Variants in BMPR1B observed in about 807,000 individuals in gnomAD.
The protein encoded by BMPR1B is bone morphogenetic protein receptor type 1B, also known as bone morphogenetic protein receptor type-1B.
In BMPR1B, 12 loss-of-function variants were observed where a neutral mutation model predicts 59.1. The ratio of observed to expected loss-of-function variants is 0.20; its 90% CI spans 0.13 to 0.33. The LOEUF is 0.33. Among genes scored for constraint, BMPR1B ranks in the 10% least tolerant of loss-of-function variants. The pLI, the probability that BMPR1B is intolerant of heterozygous loss-of-function variation, is 1.00. For synonymous variants in BMPR1B, 237 were observed against 207.3 expected (o/e 1.14, Z -1.23); for missense variants, 550 against 610.9 (o/e 0.90, Z 1.05).
chr4:95,027,924 A>C (rs1423585404), intron 3 of BMPR1B, among the ~76,000 whole-genome samples: 1 of 152,162 alleles, frequency 6.6e-6, no homozygotes, highest in Admixed American at 6.6e-5. Flanking sequence ...AGAGTCACCA[A>C]AGTAAAGGAA....
At position 94,961,020 on chromosome 4, in the gene BMPR1B, T is replaced by C. The variant is rs957624751; in HGVS notation, c.-112-35020T>C. Among the ~76,000 whole-genome samples, 6 of 152,256 alleles carry C rather than the reference T, an allele frequency of 3.9e-5. No individual in the cohort carries two copies. In the South Asian group the frequency reaches 1.2e-3, roughly 32 times the overall value. ...GGTGAAATAATGGTATAGAAGGAGCTTGAGTCTTTCAGAATTGTGGAGTTG... is the reference window on the plus strand; with the variant it reads ...GGTGAAATAATGGTATAGAAGGAGCCTGAGTCTTTCAGAATTGTGGAGTTG... On this transcript the variant is annotated intron_variant, in intron 2 of 12. Coordinates refer to ENST00000515059, the MANE Select transcript of BMPR1B (RefSeq NM_001203.3).
chr4:95,114,923 G>C, intron 5 of BMPR1B, 101 bp downstream of exon 5: 1 of 1,121,250 alleles, frequency 8.9e-7, no homozygotes, highest in Non-Finnish European at 1.4e-6. Flanking sequence ...CCCATTTTTA[G>C]TATAGTCATG....
chr4:94,856,455 G>A (rs1465419274), intron 1 of BMPR1B, among the ~76,000 whole-genome samples: 1 of 152,142 alleles, frequency 6.6e-6, no homozygotes, highest in Non-Finnish European at 1.5e-5. Context: ...TGAAAGGAGG[G>A]GGTTTCCTCC....
At chr4:95,041,579 A>G (rs1725655015) in intron 3 of BMPR1B, among the ~76,000 whole-genome samples, 1 of 150,176 alleles carries the variant, frequency 6.7e-6, no homozygotes, top group African/African-American at 2.5e-5. Flanking sequence ...CCAGCCTCCC[A>G]GATTCTTGGA....
chr4:94,937,707 AACAC>A (rs67140382), intron 2 of BMPR1B, among the ~76,000 whole-genome samples: 75 of 151,196 alleles, frequency 5.0e-4, no homozygotes, highest in Admixed American at 1.3e-3. Context: ...TATATGTATA[AACAC>A]ACACACAGAC....
chr4:95,055,448 A>C (rs189335395), intron 3 of BMPR1B, among the ~76,000 whole-genome samples: 1 of 152,308 alleles, frequency 6.6e-6, no homozygotes, highest in East Asian at 1.9e-4. Context: ...CATATGGCAA[A>C]ATATACTGAA....
At chr4:95,009,267 A>G (rs748198848) in intron 3 of BMPR1B, among the ~76,000 whole-genome samples, 15 of 152,208 alleles carry the variant, frequency 9.9e-5, no homozygotes, top group Non-Finnish European at 2.1e-4. Flanking sequence ...ACCCCTAGGT[A>G]TATATCCTAT....
intron 10 of BMPR1B, among the ~76,000 whole-genome samples, chr4:95,145,951 T>A (rs111284598): frequency 1.3e-5 from 2 of 152,230 alleles, no homozygotes; most frequent in Non-Finnish European, 2.9e-5. Flanking sequence ...AAATTATCCA[T>A]AGCAAAGTTT....
chr4:95,073,425 G>A (rs1345542656), intron 3 of BMPR1B, among the ~76,000 whole-genome samples: 2 of 151,912 alleles, frequency 1.3e-5, no homozygotes, highest in East Asian at 3.9e-4. Context: ...CTTTTTTTAT[G>A]AAAAAGGTTT....
intron 3 of BMPR1B, among the ~76,000 whole-genome samples, chr4:95,065,363 G>C (rs1727721966): frequency 6.6e-6 from 1 of 152,102 alleles, no homozygotes; most frequent in Non-Finnish European, 1.5e-5. Context: ...CTAAAATTAT[G>C]TCATTTGATG....
At chr4:94,985,482 C>G (rs1002987812) in intron 2 of BMPR1B, among the ~76,000 whole-genome samples, 2 of 150,514 alleles carry the variant, frequency 1.3e-5, no homozygotes, top group Non-Finnish European at 2.9e-5. Flanking sequence ...CTGCCATTAA[C>G]CAACACCAGA....
At chr4:94,937,428 C>T (rs1729353707) in intron 2 of BMPR1B, among the ~76,000 whole-genome samples, 2 of 152,118 alleles carry the variant, frequency 1.3e-5, no homozygotes, top group African/African-American at 4.8e-5. Context: ...CAGACACTGC[C>T]TTCTGTTTTT....
chr4:95,090,675 AAATATTTGTGTATGGTAAATATTTCTT>A (rs1199152057), intron 3 of BMPR1B, among the ~76,000 whole-genome samples: 1 of 152,064 alleles, frequency 6.6e-6, no homozygotes, highest in East Asian at 1.9e-4. Flanking sequence ...CAGCACTTTG[AAATATTTGTGTATGGTAAATATTTCTT>A]AATATTTGTG....
chr4:94,951,506 C>T (rs905382391), intron 2 of BMPR1B, among the ~76,000 whole-genome samples: 1 of 151,994 alleles, frequency 6.6e-6, no homozygotes, highest in African/African-American at 2.4e-5. Flanking sequence ...TAATCGAAGG[C>T]CTTTTCTGCA....
rs576249955 is a variant in BMPR1B at position 94,919,026 on chromosome 4, T to C, written c.-113+43126T>C. Among the ~76,000 whole-genome samples the C allele has an allele frequency of 2.6e-5, 4 of 152,286 alleles. No individual in the cohort carries two copies. The South Asian group carries it at 8.3e-4, about 32-fold the overall frequency. On this transcript the variant is annotated intron_variant, in intron 2 of 12. Coordinates refer to ENST00000515059, the MANE Select transcript of BMPR1B (RefSeq NM_001203.3). ...TTGGGTCACATGTAGGTATTTATAT[T>C]GAATCCCACAATCCCAGCTGTTTGC...
intron 3 of BMPR1B, among the ~76,000 whole-genome samples, chr4:95,040,906 C>T (rs1234580096): frequency 1.3e-5 from 2 of 152,116 alleles, no homozygotes; most frequent in Non-Finnish European, 2.9e-5. Flanking sequence ...TTCATCCACT[C>T]GTGTGCCTTC....
intron 2 of BMPR1B, among the ~76,000 whole-genome samples, chr4:94,934,651 T>C (rs970395945): frequency 8.5e-5 from 13 of 152,106 alleles, no homozygotes; most frequent in Non-Finnish European, 1.8e-4. Flanking sequence ...GCTATACTTA[T>C]GGAACTGAGA....
At chr4:94,922,524 A>G (rs546878818) in intron 2 of BMPR1B, among the ~76,000 whole-genome samples, 1 of 152,286 alleles carries the variant, frequency 6.6e-6, no homozygotes, top group South Asian at 2.1e-4. Flanking sequence ...TTTTAGCACT[A>G]TTATTTTTGT....
intron 10 of BMPR1B, among the ~76,000 whole-genome samples, chr4:95,136,261 A>G (rs1733776098): frequency 6.6e-6 from 1 of 152,214 alleles, no homozygotes; most frequent in Non-Finnish European, 1.5e-5. Context: ...GATGAAGCCC[A>G]CTTGATCATG....
Sources: allele counts gnomAD v4.1 joint callset (sites outside exome capture counted in the v4.1 genomes callset), GRCh38; gene constraint gnomAD v4.1.1; transcripts MANE v1.5; gene names NCBI Gene and HGNC (gene_info 2026-07-23, HGNC 2026-07-21).